GATAD2B: variants seen among roughly 807,000 people sequenced by gnomAD.
The protein encoded by GATAD2B is transcriptional repressor p66-beta.
Under a neutral mutation model 64.3 loss-of-function variants are expected in GATAD2B, and 8 were observed. The ratio of observed to expected loss-of-function variants is 0.12; its 90% confidence interval spans 0.07 to 0.22. The LOEUF (loss-of-function observed/expected upper bound fraction) is 0.22. GATAD2B is among the 10% of genes least tolerant of loss of function. The pLI is 1.00. For missense variants in GATAD2B, 453 were observed against 752.0 expected, an observed-to-expected ratio of 0.60 and a Z score of 4.65; for synonymous variants, 281 against 271.3, an observed-to-expected ratio of 1.04 and a Z score of -0.35.
At position 153,811,765 on chromosome 1, in the gene GATAD2B, C is replaced by T. The variant is rs1379029906; in HGVS notation, c.1614G>A (p.Gln538=). 2 of 1,611,966 alleles carry T rather than the reference C, an allele frequency of 1.2e-6. No homozygotes were observed. The highest frequency in any genetic ancestry group is 1.7e-6 in the Non-Finnish European group (2 of 1,179,206). ...CAAGGAGGCCACCTGGCACAGACAA[C>T]TGGGGTGCCTGTGCAAAGTTTGAAA... ...SMLSNFAQAP[Q]LSVPGGLLGM... is the part of the protein sequence containing the mutation. The change falls in exon 10 of 11, where the codon CAG becomes CAA. Residue 538 remains glutamine (Q), a synonymous_variant. Transcript: ENST00000368655.
At chr1:153,872,757 T>C (rs532470144) in intron 1 of GATAD2B, among the ~76,000 whole-genome samples, 1 of 152,304 alleles carries the variant, frequency 6.6e-6, no homozygotes, top group East Asian at 1.9e-4. Context: ...CAAGTAAAAA[T>C]GCTGTTCTAT....
At chr1:153,920,865 A>C (rs1678408935) in intron 1 of GATAD2B, among the ~76,000 whole-genome samples, 1 of 152,206 alleles carries the variant, frequency 6.6e-6, no homozygotes, top group East Asian at 1.9e-4. Flanking sequence ...TCCCCTAAAA[A>C]GTGAAGACAG....
At chr1:153,839,984 C>G (rs984082181) in intron 1 of GATAD2B, among the ~76,000 whole-genome samples, 2 of 147,868 alleles carry the variant, frequency 1.4e-5, no homozygotes, top group African/African-American at 5.0e-5. Flanking sequence ...AAACAAAAAG[C>G]TGTTTTGGTT....
intron 1 of GATAD2B, among the ~76,000 whole-genome samples, chr1:153,865,863 T>G (rs1285429127): frequency 6.6e-6 from 1 of 152,098 alleles, no homozygotes. Flanking sequence ...TGGCACACAC[T>G]TGTAACCCCA....
At chr1:153,917,545 C>T (rs1367364778) in intron 1 of GATAD2B, among the ~76,000 whole-genome samples, 1 of 151,982 alleles carries the variant, frequency 6.6e-6, no homozygotes, top group Non-Finnish European at 1.5e-5. Flanking sequence ...CAGGTGCCCA[C>T]TGCCACGCCC....
At chr1:153,823,996 C>T (rs901464354) in intron 2 of GATAD2B, among the ~76,000 whole-genome samples, 1 of 152,192 alleles carries the variant, frequency 6.6e-6, no homozygotes, top group Admixed American at 6.5e-5. Context: ...TCCCAAAGTG[C>T]TGGGATTACA....
intron 1 of GATAD2B, among the ~76,000 whole-genome samples, chr1:153,903,091 G>A (rs1164537676): frequency 3.3e-5 from 5 of 151,946 alleles, no homozygotes; most frequent in African/African-American, 9.7e-5. Flanking sequence ...GGTGGCGGGC[G>A]CCTGTGGTCC....
chr1:153,849,685 C>T (rs1212314297), intron 1 of GATAD2B, among the ~76,000 whole-genome samples: 3 of 152,182 alleles, frequency 2.0e-5, no homozygotes, highest in Non-Finnish European at 4.4e-5. Context: ...GGCTGCAGTA[C>T]AGTGGCGTGA....
chr1:153,900,894 CTT>C (rs1677747087), intron 1 of GATAD2B, among the ~76,000 whole-genome samples: 1 of 152,202 alleles, frequency 6.6e-6, no homozygotes, highest in African/African-American at 2.4e-5. Context: ...AAAATAATCT[CTT>C]GATTTTTTTT....
chr1:153,816,468 C>T lies in GATAD2B; in HGVS notation c.1021G>A (p.Ala341Thr), dbSNP rs146702560. 73 of 1,614,020 alleles carry T rather than the reference C, an allele frequency of 4.5e-5. No individual in the cohort carries two copies. The highest frequency in any genetic ancestry group is 6.6e-5 in the South Asian group (6 of 91,082). The change falls in exon 7 of 11, where the codon GCC (alanine) becomes ACC (threonine). Residue 341 changes from alanine (A) to threonine (T), a missense_variant. Ala to Thr is a moderately conservative substitution (Grantham distance 58). This residue lies in a region of GATAD2B where 160 missense variants were observed against 334.7 expected (regional missense o/e 0.48). Coordinates refer to ENST00000368655, the MANE Select transcript of GATAD2B (RefSeq NM_020699.4). The surrounding 1 kb of genome is among the most constrained non-coding windows in gnomAD (Gnocchi z 4.9). ...TGTGAGTTGGCAGCATCAGTCATGG[C>T]GCTGGGGCTAGGAAGTGGCGAGGAC... The part of the protein sequence containing the change: ...RVSSPLPSPS[A>T]MTDAANSQAA...
At chr1:153,872,312 T>C (rs943142303) in intron 1 of GATAD2B, among the ~76,000 whole-genome samples, 2 of 124,814 alleles carry the variant, frequency 1.6e-5, no homozygotes, top group African/African-American at 6.5e-5. Flanking sequence ...GAGGACTCTG[T>C]CTCCAAAAAA....
At position 153,816,539 on chromosome 1, in the gene GATAD2B, T is replaced by G. The variant is rs371596888; in HGVS notation, c.950A>C (p.Tyr317Ser). ...PCQRTTSSAI[Y>S]MNLASHIQPG... ...CTGGATATGAGAAGCAAGGTTCATA[T>G]AGATGGCAGAGGATGTTGTACGCTG... is the stretch of plus-strand genomic sequence containing the variant. Residue 317 changes from tyrosine (Y) to serine (S), a missense_variant, in exon 7 of 11, where the codon TAT (tyrosine) becomes TCT (serine). Transcript: ENST00000368655. The surrounding 1 kb of genome is among the most constrained non-coding windows in gnomAD (Gnocchi z 4.9). The G allele has an allele frequency of 2.5e-6, 4 of 1,613,778 alleles. No homozygotes were observed. The African/African-American group carries it at 4.0e-5, about 16-fold the overall frequency.
intron 7 of GATAD2B, among the ~76,000 whole-genome samples, chr1:153,814,329 T>C (rs1388326878): frequency 1.3e-5 from 2 of 152,252 alleles, no homozygotes; most frequent in Non-Finnish European, 2.9e-5. Flanking sequence ...ATGTTGTTAA[T>C]ACTCTATAGT....
At chr1:153,840,805 A>C (rs1675459043) in intron 1 of GATAD2B, among the ~76,000 whole-genome samples, 1 of 152,112 alleles carries the variant, frequency 6.6e-6, no homozygotes, top group African/African-American at 2.4e-5. Context: ...CACACTGAAG[A>C]GATTGTTCTT....
intron 1 of GATAD2B, among the ~76,000 whole-genome samples, chr1:153,877,039 G>A (rs747251700): frequency 6.6e-6 from 1 of 151,972 alleles, no homozygotes; most frequent in Non-Finnish European, 1.5e-5. Flanking sequence ...AGAACAGGCA[G>A]TATTAGAGTG....
At position 153,828,410 on chromosome 1, in the gene GATAD2B, A is replaced by C; in HGVS notation, c.-1-62T>G. ...GTCCCTTAAATAGTCCATTTTTAAA[A>C]AGGTGGAATGGTGAAGTTATTAACA... is the stretch of plus-strand genomic sequence containing the variant. On this transcript the variant is annotated intron_variant, in intron 1 of 10. Transcript: ENST00000368655. 6 of 1,227,312 alleles carry C rather than the reference A, an allele frequency of 4.9e-6. No individual in the cohort carries two copies. The South Asian group carries it at 8.1e-5, about 17-fold the overall frequency. 76.0% of individuals were successfully genotyped at this position (1,227,312 alleles called of 1,614,324 possible).
chr1:153,830,847 G>A (rs1385408160), intron 1 of GATAD2B, among the ~76,000 whole-genome samples: 1 of 152,116 alleles, frequency 6.6e-6, no homozygotes, highest in Non-Finnish European at 1.5e-5. Flanking sequence ...CACAATCATA[G>A]CTTATTGCAG....
rs529752809 is a variant in GATAD2B at position 153,832,196 on chromosome 1, CA to C, written c.-1-3849del. On this transcript the variant is annotated intron_variant, in intron 1 of 10. Transcript: ENST00000368655. ...CACCACTGCACTCCAGCCTAGGCGA[CA>C]AGAGCAAGACTCCATCTCAAAAAAA... Among the ~76,000 whole-genome samples the C allele has an allele frequency of 2.0e-3, 301 of 147,896 alleles. 2 individuals are homozygous for C. Among genetic ancestry groups the C allele is most frequent in the African/African-American group, 7.1e-3 (285 of 40,334 alleles).
At chr1:153,879,762 C>CAAAAAA (rs71093298) in intron 1 of GATAD2B, among the ~76,000 whole-genome samples, 2 of 80,954 alleles carry the variant, frequency 2.5e-5, no homozygotes, top group African/African-American at 5.1e-5. Flanking sequence ...ACACTGTCTA[C>CAAAAAA]AAAAAAAAAA....
Sources: gnomAD v4.1 joint callset for allele counts (sites outside exome capture counted in the v4.1 genomes callset) on GRCh38, gnomAD v4.1.1 for gene constraint, gnomAD v4.1.1 regional missense constraint, Gnocchi (gnomAD v3.1) non-coding constraint, MANE v1.5 for transcripts, NCBI Gene and HGNC (gene_info 2026-07-23, HGNC 2026-07-21) for gene names.